Variants in DPP10 observed in about 807,000 individuals in gnomAD.
DPP10 encodes the protein inactive dipeptidyl peptidase 10.
A neutral mutation model predicts 120.9 loss-of-function variants in DPP10; 33 were observed. The observed-to-expected ratio is 0.27, with a 90% CI of 0.21 to 0.37. The LOEUF (loss-of-function observed/expected upper bound fraction) is 0.37. Ranked by LOEUF, DPP10 falls within the 10% of genes least tolerant of loss-of-function variation. The pLI is 1.00. For synonymous variants in DPP10, 337 were observed against 326.1 expected (o/e 1.03, Z -0.36); for missense variants, 816 against 942.8 (o/e 0.87, Z 1.76).
intron 1 of DPP10, among the ~76,000 whole-genome samples, chr2:115,130,580 T>A (rs749775917): frequency 6.6e-5 from 10 of 152,082 alleles, no homozygotes; most frequent in Non-Finnish European, 1.3e-4. Context: ...TCTCTATACA[T>A]TTTTTATAAA....
chr2:115,277,447 C>CTTTTTTTTTTT (rs70941038), intron 1 of DPP10, among the ~76,000 whole-genome samples: 6 of 49,742 alleles, frequency 1.2e-4, no homozygotes, highest in African/African-American at 4.7e-4. Flanking sequence ...CTGCCAGGGC[C>CTTTTTTTTTTT]TTTTTTTTTT....
intron 1 of DPP10, among the ~76,000 whole-genome samples, chr2:115,014,194 T>C (rs1005857504): frequency 2.0e-5 from 3 of 152,108 alleles, no homozygotes; most frequent in African/African-American, 7.2e-5. Flanking sequence ...AGAAACTCAC[T>C]CAAAACCGCA....
intron 21 of DPP10, among the ~76,000 whole-genome samples, chr2:115,826,291 A>G (rs545194213): frequency 3.6e-4 from 55 of 152,340 alleles, no homozygotes; most frequent in Admixed American, 2.2e-3. Flanking sequence ...TTTAAAGGCT[A>G]TAATTGTCTG....
At chr2:115,040,724 G>A (rs564763704) in intron 1 of DPP10, among the ~76,000 whole-genome samples, 71 of 152,008 alleles carry the variant, frequency 4.7e-4, no homozygotes, top group African/African-American at 1.0e-3. Context: ...GTGAGATTTG[G>A]TTGTTTAAAA....
In DPP10 at chr2:114,644,348, G is replaced by GTGTGTGTGTGTGTGTGTC. The variant is rs1695954252; in HGVS notation, c.60+201524_60+201541dup. 4.0e-5 allele frequency among the ~76,000 whole-genome samples: 6 copies of GTGTGTGTGTGTGTGTGTC among 151,424 alleles called. No individual in the cohort carries two copies. In the East Asian group the frequency reaches 9.7e-4, roughly 24 times the overall value. ...TAGTTTCCTCTGTGTGTGTCTGTGT[G>GTGTGTGTGTGTGTGTGTC]TGTGTGTGTGTGTGTGTCTGTGTGT... On this transcript the variant is annotated intron_variant, in intron 1 of 25. Transcript: ENST00000410059.
chr2:115,762,661 A>G, intron 12 of DPP10, 51 bp downstream of exon 12: 1 of 1,600,502 alleles, frequency 6.2e-7, no homozygotes, highest in South Asian at 1.1e-5. Flanking sequence ...CATCCTGTTC[A>G]CCCATTTTTT....
At chr2:115,424,727 A>T (rs1207095911) in intron 3 of DPP10, among the ~76,000 whole-genome samples, 1 of 152,178 alleles carries the variant, frequency 6.6e-6, no homozygotes, top group Non-Finnish European at 1.5e-5. Context: ...GGATGATTAA[A>T]AATGTGTTTA....
chr2:115,634,396 T>A (rs560965116), intron 5 of DPP10, among the ~76,000 whole-genome samples: 2 of 152,308 alleles, frequency 1.3e-5, no homozygotes, highest in South Asian at 2.1e-4. Flanking sequence ...TTGTGGGGAC[T>A]TTTTTGTTGA....
intron 21 of DPP10, among the ~76,000 whole-genome samples, chr2:115,835,017 C>G (rs1052540048): frequency 1.3e-5 from 2 of 150,610 alleles, no homozygotes; most frequent in Non-Finnish European, 3.0e-5. Context: ...ACCCGGGGGG[C>G]GGAGCTTGCA....
At chr2:115,199,753 T>G (rs1282424840) in intron 1 of DPP10, among the ~76,000 whole-genome samples, 3 of 152,194 alleles carry the variant, frequency 2.0e-5, no homozygotes, top group Non-Finnish European at 4.4e-5. Flanking sequence ...AGGCATTGTA[T>G]TATGATTTGC....
chr2:115,322,570 T>C (rs1193638891), intron 2 of DPP10, among the ~76,000 whole-genome samples: 2 of 152,218 alleles, frequency 1.3e-5, no homozygotes, highest in South Asian at 2.1e-4. Context: ...TTCCTTATTA[T>C]AGTTGAAGCC....
intron 1 of DPP10, among the ~76,000 whole-genome samples, chr2:114,640,482 C>CT (rs767784243): frequency 5.3e-5 from 8 of 151,814 alleles, no homozygotes; most frequent in Non-Finnish European, 1.2e-4. Context: ...GAAGGAGTAT[C>CT]TGTGATTCTT....
At chr2:115,068,728 T>G (rs995065353) in intron 1 of DPP10, among the ~76,000 whole-genome samples, 4 of 152,166 alleles carry the variant, frequency 2.6e-5, no homozygotes, top group African/African-American at 7.2e-5. Flanking sequence ...TTTAATCTAT[T>G]TTGGGTTGAT....
chr2:115,428,950 T>C (rs2070730125), intron 3 of DPP10, among the ~76,000 whole-genome samples: 1 of 152,084 alleles, frequency 6.6e-6, no homozygotes, highest in Non-Finnish European at 1.5e-5. Flanking sequence ...CTTTTTACAG[T>C]GATTACATTT....
intron 1 of DPP10, among the ~76,000 whole-genome samples, chr2:114,909,049 T>A (rs1460567953): frequency 6.6e-6 from 1 of 151,890 alleles, no homozygotes; most frequent in Non-Finnish European, 1.5e-5. Flanking sequence ...AAATCACTAC[T>A]AGGAATATAT....
rs116544810 is a variant in DPP10 at position 115,739,730 on chromosome 2, T to C, written c.698-9T>C. The C allele has an allele frequency of 9.5e-4, 1,532 of 1,612,554 alleles. 11 individuals are homozygous for C. In the African/African-American group the frequency reaches 0.018, roughly 19 times the overall value. ...ACAGTTGGTCTCAAATAACACTCAT[T>C]TATTCTAGAGGAACTCCTGCATTCT... On this transcript the variant is annotated splice_polypyrimidine_tract_variant and intron_variant, in intron 8 of 25. Transcript: ENST00000410059.
At chr2:114,985,007 T>C (rs546079440) in intron 1 of DPP10, among the ~76,000 whole-genome samples, 2 of 152,304 alleles carry the variant, frequency 1.3e-5, no homozygotes, top group East Asian at 1.9e-4. Context: ...CTAAAACTCA[T>C]TTCAGTGAAA....
chr2:115,527,207 A>T (rs1374103547), intron 5 of DPP10, among the ~76,000 whole-genome samples: 1 of 152,120 alleles, frequency 6.6e-6, no homozygotes, highest in Non-Finnish European at 1.5e-5. Context: ...GAGAGAACCC[A>T]GAAATAGACC....
intron 1 of DPP10, among the ~76,000 whole-genome samples, chr2:114,951,156 T>A (rs1340879062): frequency 1.3e-5 from 2 of 152,190 alleles, no homozygotes; most frequent in African/African-American, 4.8e-5. Flanking sequence ...CGTGCCTTCA[T>A]AAGTTTCCAA....
Sources: gnomAD v4.1 joint callset for allele counts (sites outside exome capture counted in the v4.1 genomes callset) on GRCh38, gnomAD v4.1.1 for gene constraint, MANE v1.5 for transcripts, NCBI Gene and HGNC (gene_info 2026-07-23, HGNC 2026-07-21) for gene names.